The following HS3ST5 variants were observed in gnomAD, a reference collection of about 807,000 sequenced individuals.
The protein encoded by HS3ST5 is heparan sulfate-glucosamine 3-sulfotransferase 5.
A neutral mutation model predicts 25.4 loss-of-function variants in HS3ST5; 10 were observed. That is an observed-to-expected ratio of 0.39 (90% confidence interval 0.24 to 0.67). The LOEUF (loss-of-function observed/expected upper bound fraction) is 0.67. Among genes scored for constraint, HS3ST5 ranks in the 30% least tolerant of loss-of-function variants. The pLI, the probability that HS3ST5 is intolerant of heterozygous loss-of-function variation, is 0.44. For missense variants in HS3ST5, 324 were observed against 420.7 expected (o/e 0.77, Z 2.01); for synonymous variants, 170 against 162.4 (o/e 1.05, Z -0.36).
At chr6:114,129,159 A>C (rs1777201582) in intron 3 of HS3ST5, among the ~76,000 whole-genome samples, 1 of 151,550 alleles carries the variant, frequency 6.6e-6, no homozygotes, top group African/African-American at 2.4e-5. Context: ...AATTAACATC[A>C]TTGGTATATT....
chr6:114,100,197 A>G (rs1282410782), intron 3 of HS3ST5, among the ~76,000 whole-genome samples: 3 of 151,948 alleles, frequency 2.0e-5, no homozygotes, highest in Non-Finnish European at 4.4e-5. Flanking sequence ...CAATGTGTAG[A>G]TAGGTGGCAT....
chr6:114,112,724 C>T (rs1022553385), intron 3 of HS3ST5, among the ~76,000 whole-genome samples: 1 of 152,166 alleles, frequency 6.6e-6, no homozygotes, highest in South Asian at 2.1e-4. Context: ...CCTTCTCCTC[C>T]AAGATAATTA....
intron 1 of HS3ST5, among the ~76,000 whole-genome samples, chr6:114,242,638 G>T (rs1772183885): frequency 6.6e-6 from 1 of 151,864 alleles, no homozygotes; most frequent in Admixed American, 6.6e-5. Flanking sequence ...TGGATCATGA[G>T]GTCAGGAGAT....
chr6:114,148,925 T>G (rs1475175874), intron 3 of HS3ST5, among the ~76,000 whole-genome samples: 2 of 152,102 alleles, frequency 1.3e-5, no homozygotes, highest in Non-Finnish European at 2.9e-5. Flanking sequence ...GGGCAAAGGA[T>G]ATGAACAGAC....
intron 2 of HS3ST5, chr6:114,220,783 A>G (rs1195407101): frequency 1.3e-5 from 2 of 152,028 alleles, no homozygotes; most frequent in African/African-American, 4.8e-5. Context: ...GTGTGGCTGT[A>G]GATAAGATCA....
At chr6:114,306,278 C>CATATAT (rs532519086) in intron 1 of HS3ST5, among the ~76,000 whole-genome samples, 12 of 141,546 alleles carry the variant, frequency 8.5e-5, no homozygotes, top group African/African-American at 3.1e-4. Context: ...CACACACACA[C>CATATAT]ATATATATAT....
chr6:114,325,878 T>A (rs1307926767), intron 1 of HS3ST5, among the ~76,000 whole-genome samples: 3 of 152,184 alleles, frequency 2.0e-5, no homozygotes, highest in African/African-American at 7.2e-5. Flanking sequence ...ACCTATGATT[T>A]CATTCAACAA....
intron 1 of HS3ST5, among the ~76,000 whole-genome samples, chr6:114,274,462 G>C (rs1773765596): frequency 6.6e-6 from 1 of 152,032 alleles, no homozygotes; most frequent in Non-Finnish European, 1.5e-5. Flanking sequence ...CATAAACTAG[G>C]AGTTGTGTTT....
chr6:114,248,901 A>G (rs909711939), intron 1 of HS3ST5, among the ~76,000 whole-genome samples: 6 of 152,234 alleles, frequency 3.9e-5, no homozygotes, highest in Non-Finnish European at 8.8e-5. Context: ...GTATCATATT[A>G]TTACTGGCTG....
intron 1 of HS3ST5, among the ~76,000 whole-genome samples, chr6:114,341,252 A>AGAGAGAGAGAGAGAGAGAGAGAGAGG (rs1562281441): frequency 4.7e-5 from 7 of 149,420 alleles, no homozygotes; most frequent in African/African-American, 1.7e-4. Context: ...AGAGAGAGAG[A>AGAGAGAGAGAGAGAGAGAGAGAGAGG]GAGAGAGAGT....
chr6:114,158,599 T>C (rs1248807600), intron 3 of HS3ST5, among the ~76,000 whole-genome samples: 1 of 152,194 alleles, frequency 6.6e-6, no homozygotes, highest in Non-Finnish European at 1.5e-5. Context: ...AAAAGTCAGT[T>C]GGCAGAGCTA....
chr6:114,242,776 CCGGGA>C (rs1772193558), intron 1 of HS3ST5, among the ~76,000 whole-genome samples: 7 of 151,286 alleles, frequency 4.6e-5, no homozygotes, highest in African/African-American at 1.7e-4. Flanking sequence ...TGGCGTGAAC[CCGGGA>C]AGCGGAGCTT....
chr6:114,084,901 G>T, intron 3 of HS3ST5: 1 of 508,660 alleles, frequency 2.0e-6, no homozygotes. Context: ...GTGTGATCTC[G>T]GCTCACTGCA....
chr6:114,309,912 T>G (rs1775458546), intron 1 of HS3ST5, among the ~76,000 whole-genome samples: 1 of 152,200 alleles, frequency 6.6e-6, no homozygotes, highest in Non-Finnish European at 1.5e-5. Context: ...CTTTTCCAAC[T>G]TTGATTTCAT....
chr6:114,056,818 T>C lies in HS3ST5; in HGVS notation c.*439A>G, dbSNP rs140456892. 378 of 155,270 alleles carry C rather than the reference T, an allele frequency of 2.4e-3. 10 individuals carry two copies. The East Asian group carries it at 0.066, about 27-fold the overall frequency. The allele number at this position is 155,270 out of a possible 1,614,324, so 9.6% of individuals were successfully genotyped here. A position where few individuals can be genotyped will look rare whatever the true frequency, so the allele number is the denominator to read the frequency against. ...GTTTTCATGGCACCAATTCAGCATC[T>C]GAATTAAAGAGCCAGCTTTCCCTTA... On this transcript the variant is annotated 3_prime_UTR_variant, in exon 5 of 5. Coordinates refer to ENST00000312719, the MANE Select transcript of HS3ST5 (RefSeq NM_153612.4).
chr6:114,265,696 T>C (rs1464240247), intron 1 of HS3ST5, among the ~76,000 whole-genome samples: 1 of 152,162 alleles, frequency 6.6e-6, no homozygotes, highest in Non-Finnish European at 1.5e-5. Flanking sequence ...TAATGAAGAT[T>C]TGTTAATTTT....
At chr6:114,090,437 C>T (rs971875336) in intron 3 of HS3ST5, among the ~76,000 whole-genome samples, 1 of 152,112 alleles carries the variant, frequency 6.6e-6, no homozygotes, top group Admixed American at 6.5e-5. Flanking sequence ...CCTACCCCCT[C>T]CTCCCTCCTC....
chr6:114,096,597 A>G (rs562015798), intron 3 of HS3ST5, among the ~76,000 whole-genome samples: 234 of 152,284 alleles, frequency 1.5e-3, no homozygotes, highest in African/African-American at 5.2e-3. Flanking sequence ...AACGTGCACA[A>G]TTTGTGTGGT....
intron 3 of HS3ST5, among the ~76,000 whole-genome samples, chr6:114,120,439 T>G (rs572973711): frequency 6.6e-6 from 1 of 152,370 alleles, no homozygotes; most frequent in Non-Finnish European, 1.5e-5. Flanking sequence ...AACCATACTT[T>G]GATGCCTTTC....
Sources: allele counts gnomAD v4.1 joint callset (sites outside exome capture counted in the v4.1 genomes callset), GRCh38; gene constraint gnomAD v4.1.1; transcripts MANE v1.5; gene names NCBI Gene and HGNC (gene_info 2026-07-23, HGNC 2026-07-21).